Variants in RNF214 observed in about 807,000 individuals in gnomAD.
RNF214 encodes the protein ring finger protein 214.
A neutral mutation model predicts 75.9 loss-of-function variants in RNF214; 25 were observed. The ratio of observed to expected loss-of-function variants is 0.33; its 90% CI spans 0.24 to 0.46. The LOEUF (loss-of-function observed/expected upper bound fraction) is 0.46, where lower values mean the gene tolerates loss of function less well. Ranked by LOEUF, RNF214 falls within the 20% of genes least tolerant of loss-of-function variation. The probability of loss-of-function intolerance (pLI) is 1.00; values close to 1 mark genes in which losing one functional copy is unlikely to be tolerated. For missense variants in RNF214, 725 were observed against 857.5 expected (o/e 0.85, Z 1.93); for synonymous variants, 314 against 308.8 (o/e 1.02, Z -0.18).
intron 8 of RNF214, 95 bp downstream of exon 8, chr11:117,280,354 T>C (rs919452891): frequency 6.1e-6 from 5 of 816,342 alleles, no homozygotes; most frequent in Middle Eastern, 2.3e-4. Flanking sequence ...AGTCTGGCAC[T>C]TATTCTATCT....
intron 6 of RNF214, among the ~76,000 whole-genome samples, chr11:117,257,516 A>AG (rs2033553052): frequency 6.6e-6 from 1 of 152,222 alleles, no homozygotes; most frequent in Non-Finnish European, 1.5e-5. Context: ...GGGACATTCA[A>AG]GTACTCAGTA....
In RNF214 at chr11:117,239,028, A is replaced by G. The variant is rs762750374; in HGVS notation, c.535A>G (p.Asn179Asp). Residue 179 changes from asparagine to aspartate, a missense_variant, in exon 3 of 15, where the codon AAT becomes GAT. Around this residue, in one of 2 missense-constraint regions of RNF214, gnomAD observed 362 missense variants for 344.5 expected, o/e 1.05. Coordinates refer to ENST00000300650, the MANE Select transcript of RNF214 (RefSeq NM_207343.4). ...LDFRPVVSPA[N>D]GVEGVRVDQD... ...TTTCCGACCTGTAGTGTCTCCAGCA[A>G]ATGGGGTTGAAGGAGTCCGAGTGGA... 1 of 1,614,102 alleles carries G rather than the reference A, an allele frequency of 6.2e-7. No individual in the cohort carries two copies. Among genetic ancestry groups the G allele is most frequent in the South Asian group, 1.1e-5 (1 of 91,088 alleles).
intron 6 of RNF214, among the ~76,000 whole-genome samples, chr11:117,251,144 G>A (rs1256838315): frequency 3.3e-4 from 50 of 150,904 alleles, no homozygotes; most frequent in Admixed American, 2.6e-3. Context: ...CCTCCCAGAC[G>A]GGGTGGTGGC....
At chr11:117,265,227 T>C (rs2033769873) in intron 6 of RNF214, among the ~76,000 whole-genome samples, 1 of 152,160 alleles carries the variant, frequency 6.6e-6, no homozygotes, top group African/African-American at 2.4e-5. Flanking sequence ...TTCTTTAGAA[T>C]TCCATTTTAA....
At chr11:117,281,461 A>G (rs1360356105) in intron 9 of RNF214, 57 bp downstream of exon 9, 1 of 1,449,358 alleles carries the variant, frequency 6.9e-7, no homozygotes, top group African/African-American at 1.4e-5. Flanking sequence ...TAACACTTCC[A>G]GCAATTGGGA....
At chr11:117,262,665 A>C (rs1299156904) in intron 6 of RNF214, among the ~76,000 whole-genome samples, 1 of 151,154 alleles carries the variant, frequency 6.6e-6, no homozygotes, top group Non-Finnish European at 1.5e-5. Flanking sequence ...TACAAGCGTG[A>C]GCTACCATGC....
At chr11:117,271,221 T>C (rs1281271466) in intron 6 of RNF214, among the ~76,000 whole-genome samples, 3 of 152,154 alleles carry the variant, frequency 2.0e-5, no homozygotes, top group Non-Finnish European at 4.4e-5. Flanking sequence ...ATTCAAAGCA[T>C]CGTATTTTGG....
chr11:117,265,474 C>T (rs2033776500), intron 6 of RNF214, among the ~76,000 whole-genome samples: 1 of 151,866 alleles, frequency 6.6e-6, no homozygotes, highest in South Asian at 2.1e-4. Context: ...AGTGCAATGG[C>T]GTGATCTGGG....
intron 2 of RNF214, 127 bp downstream of exon 2, chr11:117,234,506 CTGA>C: frequency 1.6e-6 from 1 of 611,692 alleles, no homozygotes; most frequent in Non-Finnish European, 2.9e-6. Context: ...ACAGGACTGT[CTGA>C]TCTATCTTTG....
intron 10 of RNF214, 93 bp from the exon 11 acceptor site, chr11:117,281,801 C>A: frequency 6.6e-7 from 1 of 1,516,962 alleles, no homozygotes; most frequent in Non-Finnish European, 9.1e-7. Context: ...CATCCCTATT[C>A]AGTGCAAGAG....
At chr11:117,282,938 C>A (rs1380670070) in intron 13 of RNF214, 88 bp downstream of exon 13, 6 of 1,115,280 alleles carry the variant, frequency 5.4e-6, no homozygotes, top group Non-Finnish European at 5.4e-6. Context: ...AGGAAGAAAC[C>A]ATCAGTTGGG....
At chr11:117,273,178 TCTG>T (rs1315062652) in intron 6 of RNF214, among the ~76,000 whole-genome samples, 1 of 152,062 alleles carries the variant, frequency 6.6e-6, no homozygotes, top group Non-Finnish European at 1.5e-5. Flanking sequence ...ATAAAGAAAA[TCTG>T]ATGATATGCA....
chr11:117,243,929 G>A (rs1301799558), intron 4 of RNF214, among the ~76,000 whole-genome samples: 4 of 152,126 alleles, frequency 2.6e-5, no homozygotes, highest in Non-Finnish European at 5.9e-5. Flanking sequence ...AGGTTCCCAG[G>A]CCTCTTTAGT....
At chr11:117,237,698 T>C (rs1010933454) in intron 2 of RNF214, among the ~76,000 whole-genome samples, 3 of 152,140 alleles carry the variant, frequency 2.0e-5, no homozygotes, top group Non-Finnish European at 4.4e-5. Context: ...AAGCAATACC[T>C]TGAATGGCTG....
rs2033266787 is a variant in RNF214 at position 117,247,813 on chromosome 11, G to A, written c.959+865G>A. Among the ~76,000 whole-genome samples, 3 of 149,246 alleles carry A rather than the reference G, an allele frequency of 2.0e-5. No homozygotes were observed. In the South Asian group the frequency reaches 6.4e-4, roughly 32 times the overall value. ...GCGGAGGTTGCAGTGAGCTGAGATC[G>A]TGCCACTGGACTTCAGCCTGGCAAC... is the stretch of plus-strand genomic sequence containing the variant. On this transcript the variant is annotated intron_variant, in intron 6 of 14. Transcript: ENST00000300650.
At chr11:117,281,855 T>C in intron 10 of RNF214, 39 bp from the exon 11 acceptor site, 1 of 1,593,030 alleles carries the variant, frequency 6.3e-7, no homozygotes, top group Non-Finnish European at 8.5e-7. Context: ...TTTCTTTTTC[T>C]TCCTTTCTCT....
chr11:117,261,565 G>A (rs562092925), intron 6 of RNF214, among the ~76,000 whole-genome samples: 2 of 152,280 alleles, frequency 1.3e-5, no homozygotes, highest in East Asian at 1.9e-4. Context: ...GGGCAACAGA[G>A]CAAGACTCTA....
chr11:117,252,281 C>CTG (rs1397049990), intron 6 of RNF214, among the ~76,000 whole-genome samples: 1 of 152,164 alleles, frequency 6.6e-6, no homozygotes, highest in Non-Finnish European at 1.5e-5. Flanking sequence ...ATAATTATGG[C>CTG]TGAAACTAAA....
intron 4 of RNF214, among the ~76,000 whole-genome samples, chr11:117,242,802 C>T (rs1396093813): frequency 6.6e-6 from 1 of 152,100 alleles, no homozygotes; most frequent in Admixed American, 6.6e-5. Context: ...TGCCGTAAGC[C>T]GAGATTGCAC....
Sources: allele counts gnomAD v4.1 joint callset (sites outside exome capture counted in the v4.1 genomes callset), GRCh38; gene constraint gnomAD v4.1.1; regional missense constraint gnomAD v4.1.1; transcripts MANE v1.5; gene names NCBI Gene and HGNC (gene_info 2026-07-23, HGNC 2026-07-21).